PIP5K1B: variants seen among roughly 807,000 people sequenced by gnomAD.
The protein encoded by PIP5K1B is phosphatidylinositol-4-phosphate 5-kinase type 1 beta.
A neutral mutation model predicts 67.0 loss-of-function variants in PIP5K1B; 42 were observed. The ratio of observed to expected loss-of-function variants is 0.63; its 90% CI spans 0.49 to 0.81. PIP5K1B has a LOEUF of 0.81. Ranked by LOEUF, PIP5K1B falls within the 30% of genes least tolerant of loss-of-function variation. PIP5K1B has a pLI of 0.00. For synonymous variants in PIP5K1B, 214 were observed against 231.4 expected (o/e 0.92, Z 0.68); for missense variants, 459 against 646.3 (o/e 0.71, Z 3.14).
chr9:68,865,690 A>G (rs1823322353), intron 5 of PIP5K1B, among the ~76,000 whole-genome samples: 1 of 152,220 alleles, frequency 6.6e-6, no homozygotes, highest in Non-Finnish European at 1.5e-5. Flanking sequence ...AGCATGGCTC[A>G]GGCATGAGGT....
intron 8 of PIP5K1B, among the ~76,000 whole-genome samples, chr9:68,904,204 CT>C: frequency 6.6e-6 from 1 of 152,214 alleles, no homozygotes; most frequent in Non-Finnish European, 1.5e-5. Flanking sequence ...TTACACTCTC[CT>C]TAAGGAGCTT....
intron 1 of PIP5K1B, among the ~76,000 whole-genome samples, chr9:68,738,252 A>G (rs1036478982): frequency 2.6e-5 from 4 of 152,254 alleles, no homozygotes; most frequent in Non-Finnish European, 5.9e-5. Flanking sequence ...AACAGAAATA[A>G]TGAGAACTTC....
intron 2 of PIP5K1B, chr9:68,781,087 A>C: frequency 5.2e-6 from 8 of 1,539,972 alleles, no homozygotes; most frequent in Non-Finnish European, 7.0e-6. Context: ...TAGTTGGGGC[A>C]AACACTGAAC....
chr9:68,944,659 T>TC (rs1265115153), intron 14 of PIP5K1B, among the ~76,000 whole-genome samples: 1 of 152,050 alleles, frequency 6.6e-6, no homozygotes, highest in African/African-American at 2.4e-5. Context: ...AAATGATGAG[T>TC]CCAACATTCT....
At chr9:68,778,643 G>A (rs1484492132) in intron 2 of PIP5K1B, among the ~76,000 whole-genome samples, 1 of 152,012 alleles carries the variant, frequency 6.6e-6, no homozygotes, top group East Asian at 1.9e-4. Flanking sequence ...TCATCCTTCT[G>A]CCTCCACTCT....
chr9:68,841,379 A>G (rs996306117), intron 4 of PIP5K1B, among the ~76,000 whole-genome samples: 2 of 152,188 alleles, frequency 1.3e-5, no homozygotes, highest in African/African-American at 4.8e-5. Flanking sequence ...ACCATTTGCT[A>G]TATTATTTCT....
At chr9:68,736,895 G>T (rs1350616853) in intron 1 of PIP5K1B, among the ~76,000 whole-genome samples, 1 of 152,102 alleles carries the variant, frequency 6.6e-6, no homozygotes, top group Admixed American at 6.6e-5. Flanking sequence ...ACATCTTTGG[G>T]GACATTATTC....
At chr9:68,777,947 T>G (rs1158138095) in intron 2 of PIP5K1B, among the ~76,000 whole-genome samples, 1 of 152,226 alleles carries the variant, frequency 6.6e-6, no homozygotes, top group Non-Finnish European at 1.5e-5. Flanking sequence ...ACAGTTGAAC[T>G]TCAGTCATTT....
Position 68,788,314 on chromosome 9 carries a change from C to T in PIP5K1B, c.-85-30147C>T, listed in dbSNP as rs969919384. 1.0e-5 allele frequency: 8 copies of T among 764,984 alleles called. No homozygotes were observed. The African/African-American group carries it at 1.4e-4, about 14-fold the overall frequency. The allele number at this position is 764,984 out of a possible 1,614,324, so 47.4% of individuals were successfully genotyped here. A position where few individuals can be genotyped will look rare whatever the true frequency, so the allele number is the denominator to read the frequency against. On this transcript the variant is annotated intron_variant, in intron 2 of 15. Coordinates refer to ENST00000265382, the MANE Select transcript of PIP5K1B (RefSeq NM_003558.4). ...CCTCTGCAGACTCTCCCTTCAGGTT[C>T]AAACTTGGAACTTTCTAGCTTTGGT...
At chr9:68,740,115 A>T (rs770373121) in intron 1 of PIP5K1B, among the ~76,000 whole-genome samples, 1 of 152,186 alleles carries the variant, frequency 6.6e-6, no homozygotes, top group Non-Finnish European at 1.5e-5. Flanking sequence ...AGATAAAGGG[A>T]GCAAAACAGA....
chr9:68,968,517 A>AG (rs1402269197), intron 14 of PIP5K1B, among the ~76,000 whole-genome samples: 1 of 151,870 alleles, frequency 6.6e-6, no homozygotes, highest in Non-Finnish European at 1.5e-5. Context: ...AAAAAAAAAA[A>AG]AAACCTGTTC....
chr9:68,768,854 T>A (rs1830553963), intron 2 of PIP5K1B, among the ~76,000 whole-genome samples: 1 of 152,202 alleles, frequency 6.6e-6, no homozygotes, highest in Admixed American at 6.5e-5. Flanking sequence ...TGTCACCCAT[T>A]AGTTATCTAT....
chr9:68,880,990 G>C (rs745775326), intron 6 of PIP5K1B, among the ~76,000 whole-genome samples: 8 of 152,218 alleles, frequency 5.3e-5, no homozygotes, highest in Non-Finnish European at 8.8e-5. Context: ...CAGCATGCTT[G>C]AGTGTCAGGT....
chr9:68,787,324 G>A (rs927951456), intron 2 of PIP5K1B, among the ~76,000 whole-genome samples: 1 of 152,170 alleles, frequency 6.6e-6, no homozygotes, highest in African/African-American at 2.4e-5. Flanking sequence ...CACAGTCTTC[G>A]AGGGAAAATA....
chr9:68,893,479 A>C (rs1020761877), intron 7 of PIP5K1B, among the ~76,000 whole-genome samples: 1 of 151,760 alleles, frequency 6.6e-6, no homozygotes, highest in Non-Finnish European at 1.5e-5. Flanking sequence ...GATTACAGGC[A>C]TGCGCCACCA....
chr9:68,952,731 A>G (rs1352760832), intron 14 of PIP5K1B, among the ~76,000 whole-genome samples: 3 of 151,898 alleles, frequency 2.0e-5, no homozygotes, highest in East Asian at 1.9e-4. Flanking sequence ...TCCAATTACC[A>G]TTGAGAAATC....
intron 2 of PIP5K1B, among the ~76,000 whole-genome samples, chr9:68,794,001 T>C (rs117710325): frequency 0.022 from 3,353 of 152,294 alleles, 83 homozygotes; most frequent in Non-Finnish European, 0.032. Context: ...TTAGAAACCA[T>C]GTGAAGAAGA....
intron 2 of PIP5K1B, among the ~76,000 whole-genome samples, chr9:68,745,985 A>G (rs1042755363): frequency 6.6e-6 from 1 of 151,876 alleles, no homozygotes; most frequent in Non-Finnish European, 1.5e-5. Context: ...CACTAAATAT[A>G]TGTTGAATAA....
chr9:68,939,580 G>A (rs1016089970), intron 13 of PIP5K1B, among the ~76,000 whole-genome samples: 2 of 152,116 alleles, frequency 1.3e-5, no homozygotes, highest in Admixed American at 1.3e-4. Context: ...TTTATATGAC[G>A]ATCATCTTTT....
Sources: allele counts gnomAD v4.1 joint callset (sites outside exome capture counted in the v4.1 genomes callset), GRCh38; gene constraint gnomAD v4.1.1; transcripts MANE v1.5; gene names NCBI Gene and HGNC (gene_info 2026-07-23, HGNC 2026-07-21).